The following UGT2B10 variants were observed in gnomAD, a reference collection of about 807,000 sequenced individuals.
The protein encoded by UGT2B10 is UDP-glucuronosyltransferase 2B10.
Under a neutral mutation model 43.7 loss-of-function variants are expected in UGT2B10, and 51 were observed. That is an observed-to-expected ratio of 1.17 (90% CI 0.93 to 1.47). The LOEUF (loss-of-function observed/expected upper bound fraction) is 1.47. Among genes scored for constraint, UGT2B10 ranks in the 40% most tolerant of loss-of-function variants. UGT2B10 has a pLI of 0.00. For missense variants in UGT2B10, 696 were observed against 617.7 expected, an observed-to-expected ratio of 1.13 and a Z score of -1.34; for synonymous variants, 225 against 209.0, an observed-to-expected ratio of 1.08 and a Z score of -0.66.
At chr4:68,828,341 T>G (rs1737907157) in intron 5 of UGT2B10, among the ~76,000 whole-genome samples, 1 of 152,016 alleles carries the variant, frequency 6.6e-6, no homozygotes, top group Non-Finnish European at 1.5e-5. Context: ...TATAATATTT[T>G]TTAATATAGA....
intron 2 of UGT2B10, among the ~76,000 whole-genome samples, chr4:68,821,991 AC>A (rs1257169642): frequency 6.6e-6 from 1 of 152,262 alleles, no homozygotes; most frequent in South Asian, 2.1e-4. Flanking sequence ...TATCTCCCTG[AC>A]TACAATGTAA....
chr4:68,817,937 A>G, intron 1 of UGT2B10, 92 bp from the exon 2 acceptor site: 1 of 1,468,272 alleles, frequency 6.8e-7, no homozygotes, highest in Non-Finnish European at 9.1e-7. Flanking sequence ...CTTTACCAAC[A>G]TTTTTGCCTG....
At chr4:68,821,196 G>A (rs1272224935) in intron 2 of UGT2B10, among the ~76,000 whole-genome samples, 1 of 152,058 alleles carries the variant, frequency 6.6e-6, no homozygotes. Flanking sequence ...AAAACCACTG[G>A]GGAAAGTTTT....
intron 3 of UGT2B10, among the ~76,000 whole-genome samples, 185 bp downstream of exon 3, chr4:68,822,587 G>A (rs952894998): frequency 5.9e-5 from 9 of 152,078 alleles, no homozygotes; most frequent in Admixed American, 1.3e-4. Flanking sequence ...GATTACATGT[G>A]GCCCTGGGGT....
chr4:68,825,971 T>C (rs1272142689), intron 3 of UGT2B10, among the ~76,000 whole-genome samples: 1 of 152,066 alleles, frequency 6.6e-6, no homozygotes, highest in East Asian at 1.9e-4. Flanking sequence ...GTATAAGCAT[T>C]CCTTTTCTAT....
At chr4:68,830,329 A>T (rs1345405794) in intron 5 of UGT2B10, among the ~76,000 whole-genome samples, 1 of 150,726 alleles carries the variant, frequency 6.6e-6, no homozygotes, top group East Asian at 2.0e-4. Flanking sequence ...AATTAAAAAC[A>T]AATTAAAAAT....
At chr4:68,818,948 A>T (rs1361432874) in intron 2 of UGT2B10, among the ~76,000 whole-genome samples, 1 of 151,930 alleles carries the variant, frequency 6.6e-6, no homozygotes, top group Non-Finnish European at 1.5e-5. Flanking sequence ...TTTTTATAAG[A>T]AAAGCCTCCA....
At chr4:68,816,761 C>T (rs772784724) in intron 1 of UGT2B10, 24 bp downstream of exon 1, 4 of 1,538,122 alleles carry the variant, frequency 2.6e-6, no homozygotes, top group Admixed American at 1.9e-5. Flanking sequence ...CAATTAGTAA[C>T]ATGAAGCTCT....
chr4:68,827,215 A>G, intron 4 of UGT2B10, 114 bp from the exon 5 acceptor site: 2 of 1,534,052 alleles, frequency 1.3e-6, no homozygotes, highest in Non-Finnish European at 1.8e-6. Flanking sequence ...TCTGAAAAGT[A>G]ATAGCAAATT....
Position 68,816,255 on chromosome 4 carries a change from C to A in UGT2B10, c.236C>A (p.Ser79Tyr), listed in dbSNP as rs200513422. Residue 79 changes from serine to tyrosine, a missense_variant, in exon 1 of 6, where the codon TCT becomes TAT. By Grantham distance (144) the Ser-to-Tyr change is moderately radical (BLOSUM62 -2). Coordinates refer to ENST00000265403, the MANE Select transcript of UGT2B10 (RefSeq NM_001075.6). Reference sequence around the variant, plus strand: ...CTTAAACTTGAAGTTTATCCTACATCTTTAACTAAAACTGAATTTGAGAAT... The same window carrying A: ...CTTAAACTTGAAGTTTATCCTACATATTTAACTAAAACTGAATTTGAGAAT... ...STLKLEVYPTSLTKTEFENII... is the reference protein window; with the variant it reads ...STLKLEVYPTYLTKTEFENII... 8.7e-6 allele frequency: 14 copies of A among 1,613,188 alleles called. No homozygotes were observed. The highest frequency in any genetic ancestry group is 8.5e-7 in the Non-Finnish European group (1 of 1,179,446).
chr4:68,818,107 C>T lies in UGT2B10; in HGVS notation c.797C>T (p.Pro266Leu), dbSNP rs1284704485. Residue 266 changes from proline (P) to leucine (L), a missense_variant, in exon 2 of 6, where the codon CCT becomes CTT. Transcript: ENST00000265403. ...CGAAACTCCTGGAATTTTAAATTTC[C>T]TCATCCATTCTTACCAAATGTTGAT... is the stretch of plus-strand genomic sequence containing the variant. ...LMRNSWNFKF[P>L]HPFLPNVDFV... 9.9e-6 allele frequency: 16 copies of T among 1,611,694 alleles called. No homozygotes were observed. The highest frequency in any genetic ancestry group is 3.3e-5 in the Admixed American group (2 of 59,836).
At chr4:68,829,016 A>G (rs1220370231) in intron 5 of UGT2B10, among the ~76,000 whole-genome samples, 1 of 152,028 alleles carries the variant, frequency 6.6e-6, no homozygotes, top group Non-Finnish European at 1.5e-5. Context: ...TCTACTCTCA[A>G]TTATATACCC....
At position 68,823,197 on chromosome 4, in the gene UGT2B10, C is replaced by T. The variant is rs530926846; in HGVS notation, c.999+795C>T. 1.6e-3 allele frequency among the ~76,000 whole-genome samples: 244 copies of T among 152,114 alleles called. 1 individual carries two copies. Among genetic ancestry groups the T allele is most frequent in the Non-Finnish European group, 2.5e-3 (167 of 67,958 alleles). On this transcript the variant is annotated intron_variant, in intron 3 of 5. Transcript: ENST00000265403. ...GTAGGGGAGTAAAAAGAATGAATTC[C>T]AGTCCTGTGATTAAAAGTGTAAACT... is the stretch of plus-strand genomic sequence containing the variant.
rs146889061 is a variant in UGT2B10, at chr4:68,822,407, G to T, written c.999+5G>T. ...CTTGCCAAGATCCCACAAAAGGTAA[G>T]ATAAAGTGCCTTACTGGTGTGGAAA... On this transcript the variant is annotated splice_donor_5th_base_variant and intron_variant, in intron 3 of 5. Transcript: ENST00000265403. 137,127 of 1,613,158 alleles carry T rather than the reference G, an allele frequency of 0.085. 6,576 individuals carry two copies. Among genetic ancestry groups the T allele is most frequent in the Non-Finnish European group, 0.098 (115,995 of 1,179,626 alleles).
At chr4:68,828,294 C>T (rs115455627) in intron 5 of UGT2B10, among the ~76,000 whole-genome samples, 22,755 of 151,502 alleles carry the variant, frequency 0.15, 1,935 homozygotes, top group African/African-American at 0.23. Flanking sequence ...TAATTCATGT[C>T]GTTGTGTGTT....
intron 3 of UGT2B10, among the ~76,000 whole-genome samples, chr4:68,823,061 A>T (rs1429050276): frequency 6.6e-6 from 1 of 152,146 alleles, no homozygotes; most frequent in East Asian, 1.9e-4. Flanking sequence ...ACAAATAGAG[A>T]AGACTGGCTC....
rs531360956 is a variant in UGT2B10, at chr4:68,825,839, C to T, written c.1000-571C>T. Among the ~76,000 whole-genome samples, 6 of 152,034 alleles carry T rather than the reference C, an allele frequency of 3.9e-5. No homozygotes were observed. In the South Asian group the frequency reaches 1.0e-3, roughly 26 times the overall value. ...CTTTATGACAGAACAAGTTATAGTC[C>T]TTTGGTTATATACCTAGTAATGGGA... is the stretch of plus-strand genomic sequence containing the variant. On this transcript the variant is annotated intron_variant, in intron 3 of 5. Coordinates refer to ENST00000265403, the MANE Select transcript of UGT2B10 (RefSeq NM_001075.6).
chr4:68,824,768 G>T (rs1041638374), intron 3 of UGT2B10, among the ~76,000 whole-genome samples: 1 of 152,058 alleles, frequency 6.6e-6, no homozygotes, highest in Non-Finnish European at 1.5e-5. Flanking sequence ...AATCACTGTT[G>T]TCAAAGCTTT....
intron 2 of UGT2B10, among the ~76,000 whole-genome samples, chr4:68,818,654 G>A (rs1737344267): frequency 6.6e-6 from 1 of 151,794 alleles, no homozygotes; most frequent in Non-Finnish European, 1.5e-5. Flanking sequence ...CATCAGTGGA[G>A]ATAATAGAAA....
Sources: gnomAD v4.1 joint callset for allele counts (sites outside exome capture counted in the v4.1 genomes callset) on GRCh38, gnomAD v4.1.1 for gene constraint, MANE v1.5 for transcripts, NCBI Gene and HGNC (gene_info 2026-07-23, HGNC 2026-07-21) for gene names.